CAMTA1: variants seen among roughly 807,000 people sequenced by gnomAD.
CAMTA1 encodes calmodulin binding transcription activator 1.
A neutral mutation model predicts 170.9 loss-of-function variants in CAMTA1; 27 were observed. That is an observed-to-expected ratio of 0.16 (90% confidence interval 0.12 to 0.22). CAMTA1 has a LOEUF of 0.22. CAMTA1 is among the 10% of genes least tolerant of loss of function. CAMTA1 has a pLI of 1.00. For synonymous variants in CAMTA1, 833 were observed against 891.5 expected (o/e 0.93, Z 1.17); for missense variants, 1,619 against 2,217.2 (o/e 0.73, Z 5.42).
At chr1:7,597,755 T>G (rs2095411237) in intron 6 of CAMTA1, among the ~76,000 whole-genome samples, 2 of 152,164 alleles carry the variant, frequency 1.3e-5, no homozygotes, top group African/African-American at 4.8e-5. Flanking sequence ...CAATGATTGA[T>G]TGAGGCCCAC....
chr1:7,124,914 G>C (rs1336297832), intron 4 of CAMTA1, among the ~76,000 whole-genome samples: 1 of 152,218 alleles, frequency 6.6e-6, no homozygotes, highest in Non-Finnish European at 1.5e-5. Flanking sequence ...GTGGGAGTCA[G>C]GAAGGGGAAG....
Position 7,732,330 on chromosome 1 carries a change from C to A in CAMTA1, c.2915-118C>A. 1.2e-6 allele frequency: 1 copy of A among 808,452 alleles called. No homozygotes were observed. The highest frequency in any genetic ancestry group is 2.1e-6 in the Non-Finnish European group (1 of 481,792). 50.1% of individuals were successfully genotyped at this position (808,452 alleles called of 1,614,324 possible). ...GGAACTCTGGCTGGCGGAGACCTCT[C>A]TGGTTTGGTGAAGTTACGGACGGCA... On this transcript the variant is annotated intron_variant, in intron 11 of 22. Coordinates refer to ENST00000303635, the MANE Select transcript of CAMTA1 (RefSeq NM_015215.4). This position sits in a 1 kb window ranked among gnomAD's most constrained non-coding sequence, Gnocchi z 4.1.
rs751173422 is a variant in CAMTA1, at chr1:7,747,722, C to T, written c.4630C>T (p.Arg1544Trp). Reference protein sequence around the residue: ...AFRKYKGRPLREQQEVAAAVI... With the variant: ...AFRKYKGRPLWEQQEVAAAVI... ...CTTTACCCTTAAGGGCCGACCCTTG[C>T]GGGAACAGCAAGAAGTAGCTGCTGC... The change falls in exon 19 of 23, where the codon CGG (arginine) becomes TGG (tryptophan). Residue 1544 changes from arginine (R) to tryptophan (W), a missense_variant. Around this residue, in one of 8 missense-constraint regions of CAMTA1, gnomAD observed 128 missense variants for 213.5 expected, o/e 0.60. Transcript: ENST00000303635. 10 of 1,608,864 alleles carry T rather than the reference C, an allele frequency of 6.2e-6. No individual in the cohort carries two copies. The highest frequency in any genetic ancestry group is 5.1e-5 in the Admixed American group (3 of 59,244).
Position 7,239,377 on chromosome 1 carries a change from GTTGA to G in CAMTA1, c.303-10111_303-10108del, listed in dbSNP as rs1383837820. Among the ~76,000 whole-genome samples the G allele has an allele frequency of 2.0e-5, 3 of 152,242 alleles. No homozygotes were observed. The South Asian group carries it at 6.2e-4, about 32-fold the overall frequency. On this transcript the variant is annotated intron_variant, in intron 4 of 22. Transcript: ENST00000303635. The stretch of plus-strand genomic sequence containing the variant: ...AAGTAAGGTCTACATATTGCAATTG[GTTGA>G]TTATTTCTTTGACTTTTTCAGGCTA...
chr1:7,200,692 C>T (rs1419278537), intron 4 of CAMTA1, among the ~76,000 whole-genome samples: 1 of 152,168 alleles, frequency 6.6e-6, no homozygotes, highest in East Asian at 1.9e-4. Flanking sequence ...TTATGTCCTT[C>T]TCAGTACCTC....
chr1:7,316,582 T>TACG (rs1398098695), intron 5 of CAMTA1, among the ~76,000 whole-genome samples: 1 of 152,246 alleles, frequency 6.6e-6, no homozygotes, highest in Non-Finnish European at 1.5e-5. Flanking sequence ...GCTGTACTAT[T>TACG]AACATCTAGT....
At chr1:7,686,201 G>T (rs1038686540) in intron 11 of CAMTA1, among the ~76,000 whole-genome samples, 1 of 152,126 alleles carries the variant, frequency 6.6e-6, no homozygotes, top group African/African-American at 2.4e-5. Context: ...CTATTCTAGC[G>T]GGGGAGAAAG....
At chr1:7,594,238 GAAGA>G (rs1326879482) in intron 6 of CAMTA1, among the ~76,000 whole-genome samples, 2,413 of 147,948 alleles carry the variant, frequency 0.016, 78 homozygotes, top group African/African-American at 0.057. Context: ...AGGAAGGAAG[GAAGA>G]AAGAAAAGAA....
At chr1:7,457,791 C>T (rs546957887) in intron 5 of CAMTA1, among the ~76,000 whole-genome samples, 46 of 152,304 alleles carry the variant, frequency 3.0e-4, no homozygotes, top group Non-Finnish European at 5.1e-4. Flanking sequence ...GTTCCCCATT[C>T]GACGGCACAC....
intron 5 of CAMTA1, among the ~76,000 whole-genome samples, chr1:7,451,936 C>G (rs955638765): frequency 6.6e-6 from 1 of 152,198 alleles, no homozygotes; most frequent in African/African-American, 2.4e-5. Context: ...GAGTCAGCAG[C>G]CTCATTGGGC....
At chr1:7,703,797 A>G (rs547437499) in intron 11 of CAMTA1, among the ~76,000 whole-genome samples, 1 of 152,318 alleles carries the variant, frequency 6.6e-6, no homozygotes, top group Non-Finnish European at 1.5e-5. Context: ...CAGCACAGGG[A>G]AAAAAGAAAG....
intron 4 of CAMTA1, among the ~76,000 whole-genome samples, chr1:7,201,826 C>T (rs1315493159): frequency 2.3e-5 from 3 of 130,996 alleles, no homozygotes; most frequent in Non-Finnish European, 4.8e-5. Flanking sequence ...AATATTTTAT[C>T]CTATTCTTCC....
intron 4 of CAMTA1, among the ~76,000 whole-genome samples, chr1:7,101,708 T>C (rs1393233804): frequency 6.6e-6 from 1 of 152,116 alleles, no homozygotes; most frequent in Non-Finnish European, 1.5e-5. Context: ...CTGTGGCACA[T>C]AGAACCATAC....
chr1:6,923,225 G>A (rs971314153), intron 3 of CAMTA1, among the ~76,000 whole-genome samples: 10 of 152,106 alleles, frequency 6.6e-5, no homozygotes, highest in Non-Finnish European at 1.2e-4. Flanking sequence ...GGTGCTGTCC[G>A]ACCAGTGATG....
intron 6 of CAMTA1, among the ~76,000 whole-genome samples, chr1:7,589,501 G>A (rs1178992465): frequency 3.9e-5 from 6 of 152,206 alleles, no homozygotes; most frequent in Non-Finnish European, 7.3e-5. Flanking sequence ...AGCAGTCAGC[G>A]CTTGTGGCTT....
At chr1:6,993,273 T>G (rs988326726) in intron 3 of CAMTA1, among the ~76,000 whole-genome samples, 1 of 152,204 alleles carries the variant, frequency 6.6e-6, no homozygotes, top group Non-Finnish European at 1.5e-5. Context: ...TTCATTAGGA[T>G]AGTGTTATAG....
At chr1:7,631,292 G>A (rs887455626) in intron 6 of CAMTA1, among the ~76,000 whole-genome samples, 3 of 152,122 alleles carry the variant, frequency 2.0e-5, no homozygotes, top group South Asian at 4.1e-4. Context: ...GCTGCCACCC[G>A]GGGCACTGAG....
chr1:6,793,549 G>A (rs577306949), intron 1 of CAMTA1, among the ~76,000 whole-genome samples: 1 of 152,312 alleles, frequency 6.6e-6, no homozygotes, highest in South Asian at 2.1e-4. Context: ...TGTGCATTGT[G>A]CAGTGATGAT....
intron 7 of CAMTA1, among the ~76,000 whole-genome samples, chr1:7,660,973 G>A (rs2095951316): frequency 6.6e-6 from 1 of 152,214 alleles, no homozygotes; most frequent in Admixed American, 6.5e-5. Context: ...TAGACTTCCA[G>A]CCCCCATCCT....
Sources: allele counts gnomAD v4.1 joint callset (sites outside exome capture counted in the v4.1 genomes callset), GRCh38; gene constraint gnomAD v4.1.1; regional missense constraint gnomAD v4.1.1; non-coding constraint Gnocchi (gnomAD v3.1); transcripts MANE v1.5; gene names NCBI Gene and HGNC (gene_info 2026-07-23, HGNC 2026-07-21).